Variants in NBAS observed in about 807,000 individuals in gnomAD.
The protein encoded by NBAS is NBAS subunit of NRZ tethering complex.
Under a neutral mutation model 302.5 loss-of-function variants are expected in NBAS, and 219 were observed. The observed-to-expected ratio is 0.72, with a 90% CI of 0.65 to 0.81. NBAS has a LOEUF of 0.81. Among genes scored for constraint, NBAS ranks in the 30% least tolerant of loss-of-function variants. NBAS has a pLI of 0.00. For synonymous variants in NBAS, 1,118 were observed against 1,021.6 expected (o/e 1.09, Z -1.80); for missense variants, 2,932 against 2,841.6 (o/e 1.03, Z -0.72).
the NBAS span, among the ~76,000 whole-genome samples, chr2:15,140,820 A>G: frequency 6.6e-6 from 1 of 152,158 alleles, no homozygotes; most frequent in Non-Finnish European, 1.5e-5. Flanking sequence ...TTAATATTAT[A>G]CTTGTACTAA....
chr2:15,390,351 T>G (rs1001551109), intron 28 of NBAS, among the ~76,000 whole-genome samples: 1 of 152,246 alleles, frequency 6.6e-6, no homozygotes, highest in Non-Finnish European at 1.5e-5. Flanking sequence ...AAATCAGACA[T>G]AGAAAAATAT....
At chr2:14,821,731 G>C in the NBAS span, among the ~76,000 whole-genome samples, 3 of 152,000 alleles carry the variant, frequency 2.0e-5, no homozygotes, top group Admixed American at 6.6e-5. Flanking sequence ...ATCCAAAATG[G>C]GCTGGGCGCG....
chr2:15,429,727 T>C (rs1274884561), intron 21 of NBAS, among the ~76,000 whole-genome samples: 1 of 152,232 alleles, frequency 6.6e-6, no homozygotes, highest in Non-Finnish European at 1.5e-5. Context: ...TAGCATGTAA[T>C]ATCCTAGCAA....
intron 35 of NBAS, among the ~76,000 whole-genome samples, chr2:15,331,273 T>C (rs1672333348): frequency 6.6e-6 from 1 of 152,174 alleles, no homozygotes; most frequent in African/African-American, 2.4e-5. Context: ...TAGTGTTTGA[T>C]GGGTTTATAA....
chr2:15,094,151 A>G, the NBAS span, among the ~76,000 whole-genome samples: 2 of 152,202 alleles, frequency 1.3e-5, no homozygotes, highest in East Asian at 3.8e-4. Context: ...GCTGCTATAA[A>G]GTCAGGCCCA....
At chr2:15,222,782 A>G (rs1667003216) in intron 47 of NBAS, among the ~76,000 whole-genome samples, 1 of 152,222 alleles carries the variant, frequency 6.6e-6, no homozygotes, top group South Asian at 2.1e-4. Flanking sequence ...ATGCTACTGA[A>G]CCAAACGGGC....
the NBAS span, among the ~76,000 whole-genome samples, chr2:14,848,121 G>A: frequency 6.6e-6 from 1 of 151,844 alleles, no homozygotes; most frequent in African/African-American, 2.4e-5. Context: ...CTCCCAGCGT[G>A]AGCGACGCAG....
chr2:14,791,263 T>A, the NBAS span, among the ~76,000 whole-genome samples: 2 of 152,174 alleles, frequency 1.3e-5, no homozygotes, highest in Non-Finnish European at 2.9e-5. Context: ...AGTGCTGGGA[T>A]TACAGGCATG....
chr2:15,284,164 A>G (rs991238075), intron 42 of NBAS, among the ~76,000 whole-genome samples: 7 of 152,210 alleles, frequency 4.6e-5, no homozygotes, highest in Non-Finnish European at 7.4e-5. Context: ...GAAATGGAAA[A>G]AAAAAAAAAA....
the NBAS span, among the ~76,000 whole-genome samples, chr2:15,020,983 G>GC: frequency 6.6e-6 from 1 of 152,142 alleles, no homozygotes; most frequent in Non-Finnish European, 1.5e-5. Context: ...TATAATCCCA[G>GC]CACTTTGGTA....
At chr2:15,068,488 T>A in the NBAS span, among the ~76,000 whole-genome samples, 1 of 152,204 alleles carries the variant, frequency 6.6e-6, no homozygotes, top group Non-Finnish European at 1.5e-5. Flanking sequence ...GCAAAAGCAA[T>A]GAACCCCAAA....
rs529379503 is a variant in NBAS, at chr2:15,421,618, CA to C, written c.2577+2696del. ...GAAACATCAATACCTAACATGAAGC[CA>C]AAAAAAAAAAGCCTCTAAGTGTTTT... On this transcript the variant is annotated intron_variant, in intron 23 of 51. Coordinates refer to ENST00000281513, the MANE Select transcript of NBAS (RefSeq NM_015909.4). Among the ~76,000 whole-genome samples the C allele has an allele frequency of 9.7e-3, 1,230 of 127,088 alleles. 12 individuals are homozygous for C. The highest frequency in any genetic ancestry group is 0.027 in the African/African-American group (948 of 34,826). The allele number at this position is 127,088 out of a possible 152,430, so 83.4% of individuals were successfully genotyped here.
intron 6 of NBAS, among the ~76,000 whole-genome samples, chr2:15,541,136 T>C (rs1308722649): frequency 6.6e-6 from 1 of 152,224 alleles, no homozygotes; most frequent in Non-Finnish European, 1.5e-5. Context: ...CCTTGAAAAC[T>C]GGCTGCTCTG....
chr2:15,074,087 C>T, the NBAS span, among the ~76,000 whole-genome samples: 279 of 152,218 alleles, frequency 1.8e-3, 3 homozygotes, highest in Middle Eastern at 6.8e-3. Context: ...ATCAGAACAA[C>T]TTGATGTTGG....
intron 9 of NBAS, among the ~76,000 whole-genome samples, chr2:15,513,594 T>G (rs1373194676): frequency 6.8e-6 from 1 of 146,840 alleles, no homozygotes; most frequent in East Asian, 2.0e-4. Context: ...AAATACAAAA[T>G]AAATGGCCTG....
intron 42 of NBAS, among the ~76,000 whole-genome samples, chr2:15,280,202 T>C (rs1427378475): frequency 2.0e-5 from 3 of 152,204 alleles, no homozygotes; most frequent in Admixed American, 6.5e-5. Context: ...AAAATGTGAT[T>C]CAAGAACATC....
chr2:15,238,634 TTGAC>T lies in NBAS; in HGVS notation c.5773_5776del (p.Val1925AsnfsTer30). On this transcript the variant is annotated frameshift_variant, in exon 45 of 52. Coordinates refer to ENST00000281513, the MANE Select transcript of NBAS (RefSeq NM_015909.4). LOFTEE classifies it high-confidence loss of function. ...TTTCCTTGGCTTCTCAATAAAATGT[TTGAC>T]TGTCTTAATAGCCTTTCTAGTCATC... 6.2e-7 allele frequency: 1 copy of T among 1,613,450 alleles called. No homozygotes were observed. The highest frequency in any genetic ancestry group is 8.5e-7 in the Non-Finnish European group (1 of 1,179,874).
At chr2:15,472,973 G>A (rs971883330) in intron 16 of NBAS, among the ~76,000 whole-genome samples, 24 of 152,270 alleles carry the variant, frequency 1.6e-4, no homozygotes, top group African/African-American at 4.3e-4. Context: ...GAAAGAAAAC[G>A]TTAGGCCGAG....
chr2:15,194,108 C>G (rs1472379107), intron 48 of NBAS, among the ~76,000 whole-genome samples: 1 of 151,768 alleles, frequency 6.6e-6, no homozygotes, highest in Non-Finnish European at 1.5e-5. Flanking sequence ...CAGAATCCCA[C>G]AAGAAAAGGA....
Sources: gnomAD v4.1 joint callset for allele counts (sites outside exome capture counted in the v4.1 genomes callset) on GRCh38, gnomAD v4.1.1 for gene constraint, MANE v1.5 for transcripts, NCBI Gene and HGNC (gene_info 2026-07-23, HGNC 2026-07-21) for gene names.